GRAMD1C: variants seen among roughly 807,000 people sequenced by gnomAD.
GRAMD1C encodes protein Aster-C.
A neutral mutation model predicts 97.8 loss-of-function variants in GRAMD1C; 89 were observed. The ratio of observed to expected loss-of-function variants is 0.91; its 90% confidence interval spans 0.77 to 1.09. The LOEUF (loss-of-function observed/expected upper bound fraction) is 1.09. Among genes scored for constraint, GRAMD1C ranks in the 50% least tolerant of loss-of-function variants. The probability of loss-of-function intolerance (pLI) is 0.00; values close to 1 mark genes in which losing one functional copy is unlikely to be tolerated. For missense variants in GRAMD1C, 740 were observed against 766.4 expected, an observed-to-expected ratio of 0.97 and a Z score of 0.41; for synonymous variants, 256 against 267.0, an observed-to-expected ratio of 0.96 and a Z score of 0.40.
In GRAMD1C at chr3:113,947,145, T is replaced by A. The variant is rs1390585679; in HGVS notation, c.*1667T>A. On this transcript the variant is annotated 3_prime_UTR_variant, in exon 18 of 18. Transcript: ENST00000358160. ...ATAAAATTTGAGCCTGTTACGTAAA[T>A]TGAATATTAATAAAATTGAAAATTT... 2.6e-5 allele frequency: 4 copies of A among 152,206 alleles called. No homozygotes were observed. Among genetic ancestry groups the A allele is most frequent in the Non-Finnish European group, 5.9e-5 (4 of 68,038 alleles). The allele number at this position is 152,206 out of a possible 1,614,324, so 9.4% of individuals were successfully genotyped here.
At position 113,844,532 on chromosome 3, in the gene GRAMD1C, C is replaced by T. The variant is rs1400142840; in HGVS notation, c.57C>T (p.Ala19=). The part of the protein sequence containing the change: ...QVMNEGDSSL[A]TDLQEDVEEN... Reference sequence around the variant, plus strand: ...TGAATGAAGGGGATTCAAGCCTTGCCACCGACTTACAGGAAGATGTAGAGG... The same window carrying T: ...TGAATGAAGGGGATTCAAGCCTTGCTACCGACTTACAGGAAGATGTAGAGG... The change falls in exon 2 of 18, where the codon GCC becomes GCT. Residue 19 remains alanine, a synonymous_variant. Transcript: ENST00000358160. 4.4e-6 allele frequency: 7 copies of T among 1,601,972 alleles called. No homozygotes were observed. The highest frequency in any genetic ancestry group is 1.3e-5 in the African/African-American group (1 of 74,478).
At chr3:113,910,543 T>C (rs1936530308) in intron 9 of GRAMD1C, among the ~76,000 whole-genome samples, 5 of 152,188 alleles carry the variant, frequency 3.3e-5, no homozygotes, top group Admixed American at 3.3e-4. Flanking sequence ...TGTAATCCAT[T>C]TTGTTTTGTA....
chr3:113,921,618 A>G (rs539595041), intron 10 of GRAMD1C, among the ~76,000 whole-genome samples: 41 of 152,274 alleles, frequency 2.7e-4, no homozygotes, highest in South Asian at 2.5e-3. Flanking sequence ...CCTCACTAGC[A>G]TCTGTTATTT....
At chr3:113,933,440 T>C (rs1937512733) in intron 11 of GRAMD1C, 71 bp from the exon 12 acceptor site, 1 of 1,031,600 alleles carries the variant, frequency 9.7e-7, no homozygotes, top group South Asian at 1.4e-5. Flanking sequence ...CTAATATACA[T>C]GTTCTAAATT....
intron 3 of GRAMD1C, 34 bp from the exon 4 acceptor site, chr3:113,875,450 G>A (rs79592865): frequency 0.034 from 30,099 of 888,952 alleles, 702 homozygotes; most frequent in South Asian, 0.056. Flanking sequence ...TCAGATTTTC[G>A]TGAATAAGCT....
rs375051070 is a variant in GRAMD1C, at chr3:113,940,118, C to T, written c.1802+122C>T. Reference sequence around the variant, plus strand: ...TAACTATCCTGTAGCCATAAACAGCCTGTTTTTGTTTGTTTAATTTTGTGT... The same window carrying T: ...TAACTATCCTGTAGCCATAAACAGCTTGTTTTTGTTTGTTTAATTTTGTGT... On this transcript the variant is annotated intron_variant, in intron 16 of 17. Transcript: ENST00000358160. 11 of 852,240 alleles carry T rather than the reference C, an allele frequency of 1.3e-5. 1 individual carries two copies. In the South Asian group the frequency reaches 1.6e-4, roughly 13 times the overall value. The allele number at this position is 852,240 out of a possible 1,614,324, so 52.8% of individuals were successfully genotyped here.
chr3:113,839,362 A>G (rs551311473), intron 1 of GRAMD1C, among the ~76,000 whole-genome samples: 1 of 152,292 alleles, frequency 6.6e-6, no homozygotes, highest in African/African-American at 2.4e-5. Context: ...TTTGATTTCA[A>G]CTAGTCTAGT....
At chr3:113,925,142 C>A (rs889229001) in intron 10 of GRAMD1C, among the ~76,000 whole-genome samples, 1 of 152,166 alleles carries the variant, frequency 6.6e-6, no homozygotes, top group East Asian at 1.9e-4. Context: ...TTTTCTCCAC[C>A]CCTTTACATT....
chr3:113,858,802 G>T (rs1380544924), intron 2 of GRAMD1C, among the ~76,000 whole-genome samples: 1 of 152,026 alleles, frequency 6.6e-6, no homozygotes, highest in Admixed American at 6.6e-5. Flanking sequence ...TAGGTGACCC[G>T]CCCTCCTCGG....
chr3:113,864,485 C>A (rs1934510082), intron 2 of GRAMD1C, among the ~76,000 whole-genome samples: 1 of 152,126 alleles, frequency 6.6e-6, no homozygotes, highest in South Asian at 2.1e-4. Context: ...TAATTAAATT[C>A]TTTGGGTAAT....
At chr3:113,863,652 A>AGT (rs57242727) in intron 2 of GRAMD1C, among the ~76,000 whole-genome samples, 44,365 of 152,034 alleles carry the variant, frequency 0.29, 7,735 homozygotes, top group Non-Finnish European at 0.38. Context: ...TTTTAAAGTA[A>AGT]GTGCCATGTT....
chr3:113,849,933 C>CA (rs1933803524), intron 2 of GRAMD1C, among the ~76,000 whole-genome samples: 1 of 149,340 alleles, frequency 6.7e-6, no homozygotes, highest in Non-Finnish European at 1.5e-5. Flanking sequence ...CTGACCCCCC[C>CA]ACCTCCCTCC....
rs1040169785 is a variant in GRAMD1C at position 113,934,466 on chromosome 3, T to C, written c.1387T>C (p.Trp463Arg). 6.3e-7 allele frequency: 1 copy of C among 1,578,916 alleles called. No homozygotes were observed. Among genetic ancestry groups the C allele is most frequent in the Non-Finnish European group, 8.7e-7 (1 of 1,153,574 alleles). Reference protein sequence around the residue: ...STDLKYRKQPWGLVKSLIEKN... With the variant: ...STDLKYRKQPRGLVKSLIEKN... ...AGATTTGAAATACAGAAAACAGCCA[T>C]GGGGCCTTGTCAAATCTTTAATTGA... The change falls in exon 13 of 18, where the codon TGG becomes CGG. Residue 463 changes from tryptophan (W) to arginine (R), a missense_variant. Physicochemically the swap from Trp to Arg is moderately radical, Grantham distance 101. Coordinates refer to ENST00000358160, the MANE Select transcript of GRAMD1C (RefSeq NM_017577.5).
intron 2 of GRAMD1C, among the ~76,000 whole-genome samples, chr3:113,849,953 C>A (rs1180500811): frequency 7.9e-6 from 1 of 126,178 alleles, no homozygotes; most frequent in Admixed American, 7.3e-5. Context: ...CCGGACGGGG[C>A]GGCTGACCGG....
intron 7 of GRAMD1C, 83 bp downstream of exon 7, chr3:113,901,229 T>A: frequency 1.3e-6 from 1 of 753,518 alleles, no homozygotes; most frequent in South Asian, 1.6e-5. Context: ...AATTCTGAAT[T>A]TCTAGTAATT....
chr3:113,874,908 A>T (rs1934967448), intron 3 of GRAMD1C, among the ~76,000 whole-genome samples: 1 of 152,178 alleles, frequency 6.6e-6, no homozygotes, highest in Non-Finnish European at 1.5e-5. Context: ...TTAAATATAT[A>T]CATCTGTTCC....
At chr3:113,880,925 C>G (rs1315968089) in intron 5 of GRAMD1C, among the ~76,000 whole-genome samples, 3 of 152,126 alleles carry the variant, frequency 2.0e-5, no homozygotes, top group African/African-American at 7.2e-5. Flanking sequence ...ACTATGTTAA[C>G]TCAATGATTT....
At chr3:113,867,665 C>A (rs1391006660) in intron 2 of GRAMD1C, among the ~76,000 whole-genome samples, 1 of 152,108 alleles carries the variant, frequency 6.6e-6, no homozygotes, top group Non-Finnish European at 1.5e-5. Context: ...GAGTCACCCG[C>A]AAATTATACT....
At chr3:113,905,767 C>T (rs1936348927) in intron 8 of GRAMD1C, among the ~76,000 whole-genome samples, 1 of 151,736 alleles carries the variant, frequency 6.6e-6, no homozygotes. Context: ...GTGATCTCAG[C>T]TCACTGCAGC....
Sources: allele counts gnomAD v4.1 joint callset (sites outside exome capture counted in the v4.1 genomes callset), GRCh38; gene constraint gnomAD v4.1.1; transcripts MANE v1.5; gene names NCBI Gene and HGNC (gene_info 2026-07-23, HGNC 2026-07-21).